Variants in PLSCR2 observed in about 807,000 individuals in gnomAD.
The protein encoded by PLSCR2 is phospholipid scramblase 2.
PLSCR2 carries 18 observed loss-of-function variants against 25.3 expected under a neutral mutation model. The observed-to-expected ratio is 0.71, with a 90% CI of 0.49 to 1.06. PLSCR2 has a LOEUF of 1.06. PLSCR2 is among the 50% of genes least tolerant of loss of function. PLSCR2 has a pLI of 0.00. For missense variants in PLSCR2, 243 were observed against 269.5 expected (o/e 0.90, Z 0.69); for synonymous variants, 88 against 87.3 (o/e 1.01, Z -0.04).
At chr3:146,440,151 G>T (rs1576630268), downstream of PLSCR2, among the ~76,000 whole-genome samples, 3 of 152,136 alleles carry the variant, frequency 2.0e-5, no homozygotes, top group African/African-American at 7.2e-5. Context: ...TTCTCAGAGG[G>T]GTCCCTGGCT....
At position 146,468,658 on chromosome 3, in the gene PLSCR2, C is replaced by T. The variant is rs1283856828; in HGVS notation, c.-292-8374G>A. Among the ~76,000 whole-genome samples the T allele has an allele frequency of 2.6e-5, 4 of 152,224 alleles. No individual in the cohort carries two copies. In the East Asian group the frequency reaches 7.7e-4, roughly 29 times the overall value. On this transcript the variant is annotated intron_variant, in intron 1 of 8. Coordinates refer to the PLSCR2 transcript ENST00000336685. The stretch of plus-strand genomic sequence containing the variant: ...CTTTCCTAACAACCCAGACCTCCCT[C>T]ACAAATAGGAGTTTTCCTTTCTTCT...
chr3:146,457,776 T>C (rs767177009), intron 3 of PLSCR2, among the ~76,000 whole-genome samples: 1 of 152,222 alleles, frequency 6.6e-6, no homozygotes, highest in African/African-American at 2.4e-5. Flanking sequence ...GTAAAGTGAG[T>C]GAATCCCTTA....
At chr3:146,465,015 A>C (rs976448438), upstream of PLSCR2, among the ~76,000 whole-genome samples, 1 of 152,190 alleles carries the variant, frequency 6.6e-6, no homozygotes, top group African/African-American at 2.4e-5. Context: ...TACCAAACTG[A>C]AACTAAGTTG....
At position 146,449,189 on chromosome 3, in the gene PLSCR2, A is replaced by G; in HGVS notation, c.645+17T>C. ...AGAGAAGCCATCTGTCACCAAGATT[A>G]GCAGGAATAGACTTACAATGAGGAA... On this transcript the variant is annotated intron_variant, in intron 6 of 6. Coordinates refer to ENST00000610787, the Ensembl canonical transcript of PLSCR2. The G allele has an allele frequency of 1.3e-6, 2 of 1,588,540 alleles. No homozygotes were observed. The highest frequency in any genetic ancestry group is 4.5e-5 in the East Asian group (2 of 44,622).
intron 1 of PLSCR2, among the ~76,000 whole-genome samples, chr3:146,486,721 T>C (rs1040548688): frequency 6.6e-6 from 1 of 152,150 alleles, no homozygotes; most frequent in East Asian, 1.9e-4. Context: ...GATTTACAGC[T>C]GAATTCTACC....
At chr3:146,478,418 A>G (rs1576724815) in intron 1 of PLSCR2, among the ~76,000 whole-genome samples, 1 of 152,308 alleles carries the variant, frequency 6.6e-6, no homozygotes, top group South Asian at 2.1e-4. Flanking sequence ...GGAGGTAAAA[A>G]CCATGGCATG....
chr3:146,469,465 G>A lies in PLSCR2; in HGVS notation c.-292-9181C>T, dbSNP rs563252502. 4.6e-5 allele frequency: 43 copies of A among 942,984 alleles called. No individual in the cohort carries two copies. The African/African-American group carries it at 6.9e-4, about 15-fold the overall frequency. The allele number at this position is 942,984 out of a possible 1,614,324, so 58.4% of individuals were successfully genotyped here. On this transcript the variant is annotated intron_variant, in intron 1 of 8. Coordinates refer to the PLSCR2 transcript ENST00000336685. ...TAGCCAGGCACACCCCAGTCCCATA[G>A]GGAGGCGACTGAGAAAGCCGCCCCC...
chr3:146,469,474 C>T (rs2042020114), intron 1 of PLSCR2, 21 bp downstream of exon 1: 1 of 976,164 alleles, frequency 1.0e-6, no homozygotes, highest in South Asian at 4.7e-5. Flanking sequence ...AGGGAGGCGA[C>T]TGAGAAAGCC....
At chr3:146,471,566 CTT>C (rs550109802) in intron 1 of PLSCR2, among the ~76,000 whole-genome samples, 2 of 129,752 alleles carry the variant, frequency 1.5e-5, no homozygotes, top group Admixed American at 7.8e-5. Context: ...AGATACAATT[CTT>C]TTTTTTTTTT....
chr3:146,399,991 CT>C (rs1430354317), intron 2 of PLSCR2, among the ~76,000 whole-genome samples: 2 of 151,782 alleles, frequency 1.3e-5, no homozygotes, highest in African/African-American at 4.8e-5. Flanking sequence ...AACAAAACCA[CT>C]GTCAAATTCT....
At chr3:146,493,418 A>C (rs977429413) in intron 1 of PLSCR2, among the ~76,000 whole-genome samples, 8 of 152,208 alleles carry the variant, frequency 5.3e-5, no homozygotes, top group Non-Finnish European at 8.8e-5. Context: ...TAGCACATCA[A>C]AAAGCTAATC....
intron 1 of PLSCR2, chr3:146,469,027 C>T (rs2041993855): frequency 2.9e-6 from 2 of 683,076 alleles, no homozygotes; most frequent in South Asian, 1.3e-4. Flanking sequence ...CTACATACCG[C>T]CACTATCTTT....
chr3:146,468,463 T>C (rs994776295), intron 1 of PLSCR2, among the ~76,000 whole-genome samples: 1 of 152,152 alleles, frequency 6.6e-6, no homozygotes, highest in Non-Finnish European at 1.5e-5. Flanking sequence ...CTTCCAGAAA[T>C]AACAGTGAAT....
chr3:146,457,600 G>T (rs183342377), intron 3 of PLSCR2, among the ~76,000 whole-genome samples: 1 of 152,326 alleles, frequency 6.6e-6, no homozygotes, highest in East Asian at 1.9e-4. Context: ...ACTCCCAAGA[G>T]AAACTGTGGG....
chr3:146,394,845 G>A (rs2038219489), intron 3 of PLSCR2, among the ~76,000 whole-genome samples: 1 of 152,142 alleles, frequency 6.6e-6, no homozygotes, highest in Non-Finnish European at 1.5e-5. Context: ...GGATCATGGG[G>A]GCAGTTTCCT....
chr3:146,443,298 G>A (rs983547676), intron 6 of PLSCR2, among the ~76,000 whole-genome samples: 4 of 152,054 alleles, frequency 2.6e-5, no homozygotes, highest in South Asian at 2.1e-4. Flanking sequence ...AAGTTTGCAC[G>A]TATTCCTCCC....
At chr3:146,483,818 A>G (rs908446088) in intron 1 of PLSCR2, among the ~76,000 whole-genome samples, 2 of 147,826 alleles carry the variant, frequency 1.4e-5, no homozygotes, top group African/African-American at 5.1e-5. Flanking sequence ...ACACAAATTC[A>G]TGAAGACGAG....
chr3:146,431,812 C>A (rs1393098167), downstream of PLSCR2, among the ~76,000 whole-genome samples: 3 of 149,920 alleles, frequency 2.0e-5, no homozygotes, highest in Admixed American at 1.3e-4. Context: ...TGCGTAAACA[C>A]AATTCACAGG....
At chr3:146,494,311 A>G (rs1001494675) in intron 1 of PLSCR2, among the ~76,000 whole-genome samples, 2 of 152,216 alleles carry the variant, frequency 1.3e-5, no homozygotes, top group Admixed American at 6.5e-5. Context: ...TGGTAAGTAC[A>G]TAAATATTTC....
Sources: gnomAD v4.1 joint callset for allele counts (sites outside exome capture counted in the v4.1 genomes callset) on GRCh38, gnomAD v4.1.1 for gene constraint, MANE v1.5 for transcripts, NCBI Gene and HGNC (gene_info 2026-07-23, HGNC 2026-07-21) for gene names.